Variants in BCAS3 observed in about 807,000 individuals in gnomAD.
BCAS3 encodes BCAS3 microtubule associated cell migration factor.
A neutral mutation model predicts 116.1 loss-of-function variants in BCAS3; 53 were observed. The observed-to-expected ratio is 0.46, with a 90% CI of 0.37 to 0.57. The LOEUF is 0.57. Ranked by LOEUF, BCAS3 falls within the 20% of genes least tolerant of loss-of-function variation. BCAS3 has a pLI of 0.00. For missense variants in BCAS3, 917 were observed against 1,165.4 expected (o/e 0.79, Z 3.10); for synonymous variants, 391 against 408.2 (o/e 0.96, Z 0.51).
chr17:61,015,582 A>G (rs566826494), intron 15 of BCAS3, among the ~76,000 whole-genome samples, 169 bp from the exon 16 acceptor site: 1 of 152,280 alleles, frequency 6.6e-6, no homozygotes, highest in South Asian at 2.1e-4. Context: ...CTCTCCAAGA[A>G]TAGTTTGGTT....
chr17:60,729,664 A>T (rs909952849), intron 5 of BCAS3, among the ~76,000 whole-genome samples: 6 of 152,178 alleles, frequency 3.9e-5, no homozygotes, highest in Non-Finnish European at 8.8e-5. Context: ...TCTTTAATCA[A>T]TGGGTTAAAT....
chr17:60,721,958 A>T lies in BCAS3; in HGVS notation c.321+12633A>T, dbSNP rs189242074. On this transcript the variant is annotated intron_variant, in intron 5 of 23. Coordinates refer to ENST00000407086, the MANE Select transcript of BCAS3 (RefSeq NM_017679.5). ...GAATGTCTAAGAAATATGGTCATAGATTTAAAAGGTATGCTCTTATGTTCT... is the reference window on the plus strand; with the variant it reads ...GAATGTCTAAGAAATATGGTCATAGTTTTAAAAGGTATGCTCTTATGTTCT... Among the ~76,000 whole-genome samples, 167 of 152,260 alleles carry T rather than the reference A, an allele frequency of 1.1e-3. 1 individual carries two copies. The highest frequency in any genetic ancestry group is 3.1e-3 in the Admixed American group (47 of 15,292).
intron 5 of BCAS3, among the ~76,000 whole-genome samples, chr17:60,712,400 T>C (rs2038047741): frequency 6.6e-6 from 1 of 150,654 alleles, no homozygotes; most frequent in Non-Finnish European, 1.5e-5. Context: ...AAAAAGACAA[T>C]CTGGGAAAAT....
chr17:60,783,011 A>G (rs2045965382), intron 6 of BCAS3, among the ~76,000 whole-genome samples: 1 of 152,188 alleles, frequency 6.6e-6, no homozygotes, highest in South Asian at 2.1e-4. Flanking sequence ...AGGGACTGGA[A>G]GGGATGAATA....
At chr17:60,824,255 A>T (rs74881722) in intron 7 of BCAS3, among the ~76,000 whole-genome samples, 5,252 of 152,166 alleles carry the variant, frequency 0.035, 237 homozygotes, top group African/African-American at 0.098. Context: ...AATTATGTTG[A>T]GCTGTTGTGT....
Position 61,366,469 on chromosome 17 carries a change from G to A in BCAS3, c.2426-1858G>A, listed in dbSNP as rs1157284254. ...ATGTCAGCAGTCCTGTGTGTCCCTG[G>A]GGAGCTAGGCACCTGGGAGTTGTTG... On this transcript the variant is annotated intron_variant, in intron 22 of 23. Transcript: ENST00000407086. The surrounding 1 kb of genome is among the most constrained non-coding windows in gnomAD (Gnocchi z 4.5). Among the ~76,000 whole-genome samples, 1 of 152,216 alleles carries A rather than the reference G, an allele frequency of 6.6e-6. No homozygotes were observed. The highest frequency in any genetic ancestry group is 1.5e-5 in the Non-Finnish European group (1 of 68,030).
chr17:61,083,865 C>T lies in BCAS3; in HGVS notation c.2328-602C>T, dbSNP rs561908752. On this transcript the variant is annotated intron_variant, in intron 21 of 23. Coordinates refer to ENST00000407086, the MANE Select transcript of BCAS3 (RefSeq NM_017679.5). The surrounding 1 kb of genome is among the most constrained non-coding windows in gnomAD (Gnocchi z 4.9). Reference sequence around the variant, plus strand: ...TTGTGTGTAGTAATTTGCACGTTTACTGAGGTTCTAATTGATTGTTGTATG... The same window carrying T: ...TTGTGTGTAGTAATTTGCACGTTTATTGAGGTTCTAATTGATTGTTGTATG... 9.1e-4 allele frequency among the ~76,000 whole-genome samples: 139 copies of T among 152,214 alleles called. No homozygotes were observed. The highest frequency in any genetic ancestry group is 3.3e-3 in the South Asian group (16 of 4,822).
intron 9 of BCAS3, among the ~76,000 whole-genome samples, chr17:60,882,226 G>T (rs571239689): frequency 6.6e-6 from 1 of 152,106 alleles, no homozygotes; most frequent in Non-Finnish European, 1.5e-5. Flanking sequence ...TTTTTTGGCT[G>T]CATAAATGTC....
intron 22 of BCAS3, among the ~76,000 whole-genome samples, chr17:61,308,572 G>A (rs892569177): frequency 3.3e-5 from 5 of 151,868 alleles, no homozygotes; most frequent in Admixed American, 1.3e-4. Flanking sequence ...AAAAGGCAGC[G>A]TGATCTATAA....
intron 22 of BCAS3, among the ~76,000 whole-genome samples, chr17:61,175,265 G>T (rs1020565308): frequency 2.6e-5 from 4 of 152,078 alleles, no homozygotes; most frequent in African/African-American, 7.2e-5. Flanking sequence ...AGATTAGCTG[G>T]GTGTGGTGGT....
rs1338696341 is a variant in BCAS3, at chr17:60,878,350, GT to G, written c.661+3614del. On this transcript the variant is annotated intron_variant, in intron 9 of 23. Transcript: ENST00000407086. ...GAAAGATGTTCTTAATTTTAATATA[GT>G]TGTCAGAAGGTAGGATGGTGCATGT... 8.5e-5 allele frequency among the ~76,000 whole-genome samples: 13 copies of G among 152,172 alleles called. 1 individual carries two copies. The East Asian group carries it at 1.4e-3, about 16-fold the overall frequency.
At chr17:60,843,698 C>G (rs2052204462) in intron 7 of BCAS3, among the ~76,000 whole-genome samples, 1 of 152,144 alleles carries the variant, frequency 6.6e-6, no homozygotes, top group Non-Finnish European at 1.5e-5. Flanking sequence ...CAAGGACTCC[C>G]AGGTCATTTC....
At chr17:61,149,807 T>C (rs1177541859) in intron 22 of BCAS3, among the ~76,000 whole-genome samples, 1 of 152,228 alleles carries the variant, frequency 6.6e-6, no homozygotes, top group Non-Finnish European at 1.5e-5. Context: ...AACATTACTT[T>C]TATCAGCCTG....
In BCAS3 at chr17:61,109,406, A is replaced by T. The variant is rs144514260; in HGVS notation, c.2425+24842A>T. Among the ~76,000 whole-genome samples, 808 of 152,058 alleles carry T rather than the reference A, an allele frequency of 5.3e-3. 7 individuals are homozygous for T. Among genetic ancestry groups the T allele is most frequent in the Middle Eastern group, 0.027 (8 of 294 alleles). On this transcript the variant is annotated intron_variant, in intron 22 of 23. Transcript: ENST00000407086. The stretch of plus-strand genomic sequence containing the variant: ...TGCAATCGCAAATTGTGGTGCTATA[A>T]ACGTGTGTGCAAGTATCTTTTTTAC...
intron 22 of BCAS3, among the ~76,000 whole-genome samples, chr17:61,164,428 GGAGGACATTT>G (rs1157047460): frequency 2.0e-5 from 3 of 152,176 alleles, no homozygotes; most frequent in East Asian, 3.9e-4. Context: ...GGCCAAAGCA[GGAGGACATTT>G]GAGGACAGGA....
At chr17:61,109,322 C>T (rs537647391) in intron 22 of BCAS3, among the ~76,000 whole-genome samples, 5 of 140,876 alleles carry the variant, frequency 3.5e-5, no homozygotes, top group South Asian at 2.1e-4. Flanking sequence ...TGTGTATACA[C>T]GCCACATTTT....
intron 4 of BCAS3, among the ~76,000 whole-genome samples, chr17:60,700,738 A>G (rs1187491104): frequency 6.6e-6 from 1 of 152,208 alleles, no homozygotes; most frequent in Non-Finnish European, 1.5e-5. Flanking sequence ...TAAGGAATAA[A>G]TGGTGACCAT....
chr17:60,968,477 C>T (rs1021329186), intron 14 of BCAS3, among the ~76,000 whole-genome samples: 46 of 152,152 alleles, frequency 3.0e-4, no homozygotes, highest in Non-Finnish European at 5.9e-5. Context: ...GTGATCCTCT[C>T]ACCTGCCTTG....
Position 61,337,593 on chromosome 17 carries a change from C to T in BCAS3, c.2426-30734C>T, listed in dbSNP as rs116430176. On this transcript the variant is annotated intron_variant, in intron 22 of 23. Transcript: ENST00000407086. The surrounding 1 kb of genome is among the most constrained non-coding windows in gnomAD (Gnocchi z 4.8). ...TTGCCAAATTCCATGTGAACAGCCT[C>T]TGCGTCTGTTACTCTCCGAAGAAAA... 5.0e-3 allele frequency among the ~76,000 whole-genome samples: 761 copies of T among 152,334 alleles called. 7 individuals carry two copies. The highest frequency in any genetic ancestry group is 0.017 in the African/African-American group (724 of 41,580).
Sources: allele counts gnomAD v4.1 joint callset (sites outside exome capture counted in the v4.1 genomes callset), GRCh38; gene constraint gnomAD v4.1.1; non-coding constraint Gnocchi (gnomAD v3.1); transcripts MANE v1.5; gene names NCBI Gene and HGNC (gene_info 2026-07-23, HGNC 2026-07-21).